Variants in ST6GAL2 observed in about 807,000 individuals in gnomAD.
ST6GAL2 encodes ST6 beta-galactoside alpha-2,6-sialyltransferase 2, also known as beta-galactoside alpha-2,6-sialyltransferase 2.
In ST6GAL2, 24 loss-of-function variants were observed where a neutral mutation model predicts 37.5. The ratio of observed to expected loss-of-function variants is 0.64; its 90% CI spans 0.46 to 0.90. The LOEUF (loss-of-function observed/expected upper bound fraction) is 0.90, where lower values mean the gene tolerates loss of function less well. ST6GAL2 is among the 40% of genes least tolerant of loss of function. The pLI, the probability that ST6GAL2 is intolerant of heterozygous loss-of-function variation, is 0.00. For missense variants in ST6GAL2, 715 were observed against 712.7 expected (o/e 1.00, Z -0.04); for synonymous variants, 306 against 295.1 (o/e 1.04, Z -0.38).
At chr2:106,844,443 T>C (rs1040991604) in intron 1 of ST6GAL2, among the ~76,000 whole-genome samples, 1 of 152,126 alleles carries the variant, frequency 6.6e-6, no homozygotes, top group African/African-American at 2.4e-5. Flanking sequence ...GAGGTAAGCA[T>C]GGTTTGCCCC....
chr2:106,807,174 T>C (rs1675444614), intron 5 of ST6GAL2, among the ~76,000 whole-genome samples: 2 of 152,042 alleles, frequency 1.3e-5, no homozygotes, highest in South Asian at 4.2e-4. Context: ...ATATATCTAT[T>C]CGCTCATTTA....
At chr2:106,846,808 G>A (rs185135713) in intron 1 of ST6GAL2, among the ~76,000 whole-genome samples, 1 of 152,208 alleles carries the variant, frequency 6.6e-6, no homozygotes, top group Admixed American at 6.5e-5. Context: ...CCCGCAGTTA[G>A]CTTACTATAT....
At chr2:106,863,696 C>G (rs1242255009) in intron 1 of ST6GAL2, among the ~76,000 whole-genome samples, 1 of 152,220 alleles carries the variant, frequency 6.6e-6, no homozygotes, top group East Asian at 1.9e-4. Flanking sequence ...CTCCCATCCC[C>G]AGTTCTCCCA....
chr2:106,815,810 CA>C (rs1414097418), intron 5 of ST6GAL2, among the ~76,000 whole-genome samples: 3 of 152,288 alleles, frequency 2.0e-5, no homozygotes, highest in Non-Finnish European at 4.4e-5. Flanking sequence ...GTCTTAGCCA[CA>C]GTGCACACAT....
intron 1 of ST6GAL2, among the ~76,000 whole-genome samples, chr2:106,851,476 A>G (rs1448113): frequency 0.88 from 133,386 of 152,250 alleles, 58,567 homozygotes; most frequent in East Asian, 0.98. Context: ...GTTGTCAGAT[A>G]AAACTATGAA....
chr2:106,879,270 G>A (rs1678642784), intron 1 of ST6GAL2, among the ~76,000 whole-genome samples: 2 of 152,158 alleles, frequency 1.3e-5, no homozygotes, highest in Non-Finnish European at 2.9e-5. Flanking sequence ...AGCATGATGT[G>A]TTTTAACTCT....
At chr2:106,841,609 C>G (rs1208769296) in intron 2 of ST6GAL2, among the ~76,000 whole-genome samples, 2 of 152,132 alleles carry the variant, frequency 1.3e-5, no homozygotes, top group East Asian at 3.9e-4. Context: ...GTTCCGGGAG[C>G]AAAGGGATCT....
chr2:106,832,505 A>T, intron 4 of ST6GAL2, 60 bp downstream of exon 4: 1 of 863,536 alleles, frequency 1.2e-6, no homozygotes, highest in Non-Finnish European at 1.9e-6. Flanking sequence ...TGCTCTTATG[A>T]TTAATTAGTC....
At chr2:106,854,587 A>G (rs1334511296) in intron 1 of ST6GAL2, among the ~76,000 whole-genome samples, 1 of 152,206 alleles carries the variant, frequency 6.6e-6, no homozygotes, top group Non-Finnish European at 1.5e-5. Flanking sequence ...ATGTATTATA[A>G]TACACCATAT....
intron 1 of ST6GAL2, among the ~76,000 whole-genome samples, chr2:106,854,117 A>T (rs935175776): frequency 1.3e-5 from 2 of 152,190 alleles, no homozygotes; most frequent in African/African-American, 4.8e-5. Flanking sequence ...TTGAGGTAAA[A>T]GCACAGGTGG....
intron 4 of ST6GAL2, among the ~76,000 whole-genome samples, chr2:106,832,019 G>A (rs961943353): frequency 6.6e-6 from 1 of 152,168 alleles, no homozygotes; most frequent in African/African-American, 2.4e-5. Context: ...AATATAACCT[G>A]TTTGTGTTTT....
intron 5 of ST6GAL2, among the ~76,000 whole-genome samples, chr2:106,826,236 G>A (rs183326322): frequency 1.8e-4 from 27 of 152,256 alleles, no homozygotes; most frequent in Admixed American, 1.3e-3. Flanking sequence ...GATTTAATTG[G>A]CTCATAGTTC....
At chr2:106,851,357 C>G (rs960496415) in intron 1 of ST6GAL2, among the ~76,000 whole-genome samples, 4 of 152,164 alleles carry the variant, frequency 2.6e-5, no homozygotes, top group African/African-American at 7.2e-5. Flanking sequence ...AACAAAGACA[C>G]GAGTCACATT....
rs201108256 is a variant in ST6GAL2, at chr2:106,880,653, TA to T, written c.-58+5439del. Among the ~76,000 whole-genome samples, 1,134 of 152,354 alleles carry T rather than the reference TA, an allele frequency of 7.4e-3. 24 individuals are homozygous for T. The highest frequency in any genetic ancestry group is 0.034 in the Admixed American group (521 of 15,298). On this transcript the variant is annotated intron_variant, in intron 1 of 5. Transcript: ENST00000409382. Reference sequence around the variant, plus strand: ...ATAAACTAAGAGAAAGTTTAAATCTTAAACATTTTTGTTGGTTTCTCACAAG... The same window carrying T: ...ATAAACTAAGAGAAAGTTTAAATCTTAACATTTTTGTTGGTTTCTCACAAG...
chr2:106,871,163 A>G (rs1298760514), intron 1 of ST6GAL2, among the ~76,000 whole-genome samples: 1 of 152,196 alleles, frequency 6.6e-6, no homozygotes, highest in East Asian at 1.9e-4. Flanking sequence ...ACACAATGGT[A>G]TTTGTGTCTA....
rs1328977088 is a variant in ST6GAL2 at position 106,843,582 on chromosome 2, A to C, written c.396T>G (p.Phe132Leu). 1 of 1,613,978 alleles carries C rather than the reference A, an allele frequency of 6.2e-7. No homozygotes were observed. Among genetic ancestry groups the C allele is most frequent in the Non-Finnish European group, 8.5e-7 (1 of 1,179,998 alleles). The change falls in exon 2 of 6, where the codon TTT becomes TTG. Residue 132 changes from phenylalanine to leucine, a missense_variant. Phe to Leu is a conservative substitution (Grantham distance 22). This residue lies in a region of ST6GAL2 where 512 missense variants were observed against 488.8 expected (regional missense o/e 1.05). Coordinates refer to ENST00000409382, the MANE Select transcript of ST6GAL2 (RefSeq NM_001142351.2). The stretch of plus-strand genomic sequence containing the variant: ...GCCACCCTGGCTGACCAGCAGCAAA[A>C]AAGTAGTCGTCATCCTCCGGGTAGA... ...SAFYPEDDDYFFAAGQPGWHS... is the reference protein window; with the variant it reads ...SAFYPEDDDYLFAAGQPGWHS...
intron 5 of ST6GAL2, among the ~76,000 whole-genome samples, chr2:106,807,729 A>G (rs1019346029): frequency 6.8e-6 from 1 of 147,978 alleles, no homozygotes; most frequent in Non-Finnish European, 1.5e-5. Flanking sequence ...GATTCACGCC[A>G]TTCTCCTGCC....
intron 5 of ST6GAL2, among the ~76,000 whole-genome samples, chr2:106,822,144 A>C (rs1676027528): frequency 3.9e-5 from 6 of 152,082 alleles, no homozygotes; most frequent in Admixed American, 3.9e-4. Flanking sequence ...CATAGCACTG[A>C]AAGTCCTAGC....
intron 1 of ST6GAL2, among the ~76,000 whole-genome samples, chr2:106,851,421 C>A (rs1677353925): frequency 6.6e-6 from 1 of 152,182 alleles, no homozygotes; most frequent in Non-Finnish European, 1.5e-5. Flanking sequence ...CCTTCAAATT[C>A]TTCTGAGAGA....
Sources: gnomAD v4.1 joint callset for allele counts (sites outside exome capture counted in the v4.1 genomes callset) on GRCh38, gnomAD v4.1.1 for gene constraint, gnomAD v4.1.1 regional missense constraint, MANE v1.5 for transcripts, NCBI Gene and HGNC (gene_info 2026-07-23, HGNC 2026-07-21) for gene names.